Variants in SEMA5A observed in about 807,000 individuals in gnomAD.
SEMA5A encodes the protein semaphorin-5A.
SEMA5A carries 55 observed loss-of-function variants against 135.5 expected under a neutral mutation model. The ratio of observed to expected loss-of-function variants is 0.41; its 90% confidence interval spans 0.33 to 0.51. The LOEUF is 0.51. Ranked by LOEUF, SEMA5A falls within the 20% of genes least tolerant of loss-of-function variation. The probability of loss-of-function intolerance (pLI) is 0.37; values close to 1 mark genes in which losing one functional copy is unlikely to be tolerated. For missense variants in SEMA5A, 1,290 were observed against 1,419.9 expected, an observed-to-expected ratio of 0.91 and a Z score of 1.47; for synonymous variants, 580 against 546.5, an observed-to-expected ratio of 1.06 and a Z score of -0.85.
intron 11 of SEMA5A, among the ~76,000 whole-genome samples, chr5:9,174,691 A>T (rs1744110039): frequency 6.6e-6 from 1 of 152,248 alleles, no homozygotes; most frequent in Non-Finnish European, 1.5e-5. Flanking sequence ...GGATGTGCTT[A>T]GATCCAAAAT....
chr5:9,246,182 T>C (rs1380655196), intron 5 of SEMA5A, among the ~76,000 whole-genome samples: 2 of 152,100 alleles, frequency 1.3e-5, no homozygotes, highest in East Asian at 3.9e-4. Context: ...GTAGGATTGG[T>C]TTAAAAAATG....
chr5:9,323,631 G>C (rs1042222403), intron 4 of SEMA5A, among the ~76,000 whole-genome samples: 1 of 149,506 alleles, frequency 6.7e-6, no homozygotes, highest in South Asian at 2.1e-4. Context: ...AGAGTTGGTA[G>C]GTGCTTTTAA....
intron 3 of SEMA5A, among the ~76,000 whole-genome samples, chr5:9,371,382 T>G (rs1442980267): frequency 6.6e-6 from 1 of 152,178 alleles, no homozygotes. Context: ...AACATTAAAG[T>G]CCAGTCTAAG....
chr5:9,483,850 T>G (rs1435906529), intron 1 of SEMA5A, among the ~76,000 whole-genome samples: 1 of 152,106 alleles, frequency 6.6e-6, no homozygotes, highest in African/African-American at 2.4e-5. Flanking sequence ...AAAAACAGCT[T>G]TGAAGGGAAT....
intron 5 of SEMA5A, among the ~76,000 whole-genome samples, chr5:9,267,084 C>G (rs1749719973): frequency 6.6e-6 from 1 of 152,172 alleles, no homozygotes; most frequent in Non-Finnish European, 1.5e-5. Context: ...AGGTGGATTT[C>G]TAGGTTGCTG....
intron 2 of SEMA5A, among the ~76,000 whole-genome samples, chr5:9,392,318 G>T (rs1215585096): frequency 6.6e-6 from 1 of 152,072 alleles, no homozygotes; most frequent in African/African-American, 2.4e-5. Flanking sequence ...TGATTTAAAG[G>T]ATCTATAATT....
intron 16 of SEMA5A, among the ~76,000 whole-genome samples, chr5:9,094,591 A>G (rs1159347327): frequency 6.6e-6 from 1 of 152,210 alleles, no homozygotes; most frequent in East Asian, 1.9e-4. Flanking sequence ...TTTGAGTTTG[A>G]GAGGCTTATT....
At chr5:9,376,981 C>A (rs1444204431) in intron 3 of SEMA5A, among the ~76,000 whole-genome samples, 3 of 151,874 alleles carry the variant, frequency 2.0e-5, no homozygotes, top group African/African-American at 7.3e-5. Context: ...ATAATGTTTA[C>A]AGGAGGCATT....
At chr5:9,188,017 A>G (rs1313345755) in intron 11 of SEMA5A, among the ~76,000 whole-genome samples, 2 of 152,346 alleles carry the variant, frequency 1.3e-5, no homozygotes, top group African/African-American at 2.4e-5. Context: ...TATGGACTGA[A>G]TGTTTGTGTC....
At chr5:9,164,509 TA>T (rs1293591370) in intron 11 of SEMA5A, among the ~76,000 whole-genome samples, 3 of 151,996 alleles carry the variant, frequency 2.0e-5, no homozygotes, top group Non-Finnish European at 4.4e-5. Context: ...CTTGTACTCA[TA>T]TTATGAATAG....
At chr5:9,287,424 AT>A in intron 5 of SEMA5A, among the ~76,000 whole-genome samples, 1 of 152,302 alleles carries the variant, frequency 6.6e-6, no homozygotes, top group Non-Finnish European at 1.5e-5. Context: ...TTCTTTGTAC[AT>A]TGCAATTATT....
chr5:9,047,642 C>T (rs533379077), intron 21 of SEMA5A, among the ~76,000 whole-genome samples: 1 of 152,182 alleles, frequency 6.6e-6, no homozygotes, highest in East Asian at 1.9e-4. Context: ...TGATTTTCAA[C>T]AAAATGAAAA....
At chr5:9,410,416 T>C (rs1179209070) in intron 2 of SEMA5A, among the ~76,000 whole-genome samples, 2 of 152,222 alleles carry the variant, frequency 1.3e-5, no homozygotes, top group African/African-American at 4.8e-5. Context: ...GTGACTTCCC[T>C]GGGCATTCAA....
rs1459611498 is a variant in SEMA5A, at chr5:9,238,929, C to A, written c.271-1039G>T. On this transcript the variant is annotated intron_variant, in intron 5 of 22. Coordinates refer to ENST00000382496, the MANE Select transcript of SEMA5A (RefSeq NM_003966.3). ...ACTAATGTCAAATAATAAACTAAACCAAAAGCAACCTAGTGTCAAATCATA... is the reference window on the plus strand; with the variant it reads ...ACTAATGTCAAATAATAAACTAAACAAAAAGCAACCTAGTGTCAAATCATA... 2.0e-5 allele frequency among the ~76,000 whole-genome samples: 3 copies of A among 151,988 alleles called. No individual in the cohort carries two copies. In the East Asian group the frequency reaches 5.8e-4, roughly 29 times the overall value.
intron 5 of SEMA5A, among the ~76,000 whole-genome samples, chr5:9,297,359 A>C (rs1751389660): frequency 6.6e-6 from 1 of 152,062 alleles, no homozygotes; most frequent in Non-Finnish European, 1.5e-5. Context: ...TAACCTCTCA[A>C]GGCCTGCAGG....
chr5:9,123,315 C>A (rs1435616023), intron 13 of SEMA5A, among the ~76,000 whole-genome samples: 1 of 120,548 alleles, frequency 8.3e-6, no homozygotes, highest in Non-Finnish European at 1.7e-5. Context: ...GGGAGTATTT[C>A]AACGTAAAGC....
intron 5 of SEMA5A, among the ~76,000 whole-genome samples, chr5:9,249,113 T>C (rs538468527): frequency 6.6e-6 from 1 of 152,342 alleles, no homozygotes; most frequent in South Asian, 2.1e-4. Context: ...AATTGGAACA[T>C]GTCATCCCAA....
chr5:9,117,423 T>A (rs529915764), intron 15 of SEMA5A, among the ~76,000 whole-genome samples: 2 of 152,336 alleles, frequency 1.3e-5, no homozygotes, highest in East Asian at 3.9e-4. Context: ...GTTTTGGATT[T>A]CACATTGTTT....
At chr5:9,257,425 T>C (rs112577645) in intron 5 of SEMA5A, among the ~76,000 whole-genome samples, 31 of 151,222 alleles carry the variant, frequency 2.0e-4, no homozygotes, top group African/African-American at 7.5e-4. Flanking sequence ...GCTCTACACA[T>C]CTGTATACTA....
Sources: gnomAD v4.1 joint callset for allele counts (sites outside exome capture counted in the v4.1 genomes callset) on GRCh38, gnomAD v4.1.1 for gene constraint, MANE v1.5 for transcripts, NCBI Gene and HGNC (gene_info 2026-07-23, HGNC 2026-07-21) for gene names.